Variants in ARHGEF12 observed in about 807,000 individuals in gnomAD.
ARHGEF12 encodes Rho guanine nucleotide exchange factor 12.
ARHGEF12 carries 66 observed loss-of-function variants against 211.2 expected under a neutral mutation model. The observed-to-expected ratio is 0.31, with a 90% CI of 0.26 to 0.38. The LOEUF (loss-of-function observed/expected upper bound fraction) is 0.38, where lower values mean the gene tolerates loss of function less well. ARHGEF12 is among the 10% of genes least tolerant of loss of function. The pLI, the probability that ARHGEF12 is intolerant of heterozygous loss-of-function variation, is 1.00. For missense variants in ARHGEF12, 1,429 were observed against 1,869.5 expected (o/e 0.76, Z 4.34); for synonymous variants, 592 against 638.4 (o/e 0.93, Z 1.09).
intron 27 of ARHGEF12, among the ~76,000 whole-genome samples, chr11:120,461,868 G>A (rs1239116356): frequency 3.3e-5 from 5 of 152,070 alleles, no homozygotes; most frequent in African/African-American, 7.2e-5. Context: ...CAAACTCTTC[G>A]TCTGCAGCTT....
In ARHGEF12 at chr11:120,338,976, A is replaced by G. The variant is rs1942444049; in HGVS notation, c.32+1701A>G. Among the ~76,000 whole-genome samples, 4 of 149,098 alleles carry G rather than the reference A, an allele frequency of 2.7e-5. 1 individual carries two copies. The East Asian group carries it at 7.8e-4, about 29-fold the overall frequency. On this transcript the variant is annotated intron_variant, in intron 1 of 40. Coordinates refer to ENST00000397843, the MANE Select transcript of ARHGEF12 (RefSeq NM_015313.3). ...CATATAAACATTCAATAAATATGAA[A>G]TTACTGAAAGCCTGTTTCTTTTCTT...
chr11:120,381,944 C>A (rs1467009430), intron 1 of ARHGEF12, among the ~76,000 whole-genome samples: 2 of 152,020 alleles, frequency 1.3e-5, no homozygotes, highest in Non-Finnish European at 2.9e-5. Flanking sequence ...ATGAAAAATC[C>A]AAAGATTGTA....
chr11:120,481,361 G>A lies in ARHGEF12; in HGVS notation c.4339G>A (p.Ala1447Thr). The A allele has an allele frequency of 1.2e-6, 2 of 1,614,186 alleles. No individual in the cohort carries two copies. Residue 1447 changes from alanine (A) to threonine (T), a missense_variant, in exon 39 of 41, where the codon GCT becomes ACT. Transcript: ENST00000397843. The stretch of plus-strand genomic sequence containing the variant: ...CCTGCAGCCCATGACAGGCATCCCT[G>A]CTGTGGAATCCACCCACCAGCAGCA... ...LTLQPMTGIP[A>T]VESTHQQQHS...
chr11:120,360,000 T>A (rs1205042775), intron 1 of ARHGEF12, among the ~76,000 whole-genome samples: 4 of 152,206 alleles, frequency 2.6e-5, no homozygotes, highest in Non-Finnish European at 5.9e-5. Flanking sequence ...AAGTCTCTAA[T>A]AACACGTAAT....
At chr11:120,353,590 G>C (rs1204079536) in intron 1 of ARHGEF12, among the ~76,000 whole-genome samples, 1 of 152,104 alleles carries the variant, frequency 6.6e-6, no homozygotes, top group Non-Finnish European at 1.5e-5. Flanking sequence ...AGCCCTCCTC[G>C]ATAGGGATAC....
At chr11:120,382,221 C>T (rs986163812) in intron 1 of ARHGEF12, among the ~76,000 whole-genome samples, 3 of 152,114 alleles carry the variant, frequency 2.0e-5, no homozygotes, top group Non-Finnish European at 4.4e-5. Flanking sequence ...GATTGTAGGT[C>T]GTATGGTAAC....
At chr11:120,386,263 G>A (rs891098407) in intron 1 of ARHGEF12, among the ~76,000 whole-genome samples, 38 of 152,232 alleles carry the variant, frequency 2.5e-4, no homozygotes, top group Middle Eastern at 6.8e-3. Flanking sequence ...GTGAAAAGAA[G>A]TAATATAAAA....
chr11:120,387,624 GC>G (rs1248173922), intron 1 of ARHGEF12, among the ~76,000 whole-genome samples: 1 of 152,106 alleles, frequency 6.6e-6, no homozygotes, highest in Non-Finnish European at 1.5e-5. Context: ...TCTGAAGTTT[GC>G]TGGAATTCCC....
chr11:120,345,718 A>C (rs1942694101), intron 1 of ARHGEF12, among the ~76,000 whole-genome samples: 2 of 151,434 alleles, frequency 1.3e-5, no homozygotes, highest in Admixed American at 1.3e-4. Context: ...AAAAAAAAAA[A>C]AAACGAAATG....
At chr11:120,353,494 A>G (rs907794782) in intron 1 of ARHGEF12, among the ~76,000 whole-genome samples, 2 of 152,036 alleles carry the variant, frequency 1.3e-5, no homozygotes, top group African/African-American at 2.4e-5. Context: ...TCTAAAAGGG[A>G]CCCTCAAGAC....
intron 11 of ARHGEF12, among the ~76,000 whole-genome samples, chr11:120,437,090 A>T (rs1388388310): frequency 2.6e-5 from 4 of 152,164 alleles, no homozygotes; most frequent in African/African-American, 9.7e-5. Context: ...TGTTTTGTTG[A>T]TTCTGTATTG....
intron 22 of ARHGEF12, 126 bp from the exon 23 acceptor site, chr11:120,456,992 T>A (rs1206199945): frequency 1.3e-5 from 10 of 795,888 alleles, no homozygotes; most frequent in Non-Finnish European, 1.9e-5. Context: ...CTAGTGAACC[T>A]GCAGTTGTTT....
intron 25 of ARHGEF12, chr11:120,458,511 A>G (rs1946429460): frequency 3.1e-6 from 1 of 324,600 alleles, no homozygotes; most frequent in Non-Finnish European, 5.6e-6. Flanking sequence ...TGCAACAACT[A>G]AGTTATTTTT....
intron 13 of ARHGEF12, 71 bp downstream of exon 13, chr11:120,440,292 C>T (rs1006900643): frequency 4.0e-6 from 5 of 1,244,650 alleles, no homozygotes; most frequent in Admixed American, 3.6e-5. Flanking sequence ...CAAAAATGAG[C>T]ACGTTCTGGA....
At chr11:120,447,194 C>A in intron 18 of ARHGEF12, 109 bp downstream of exon 18, 1 of 1,250,600 alleles carries the variant, frequency 8.0e-7, no homozygotes, top group Non-Finnish European at 1.1e-6. Context: ...GTATGTGGAG[C>A]CGTTTATTTT....
chr11:120,363,690 C>A (rs1303213549), intron 1 of ARHGEF12, among the ~76,000 whole-genome samples: 1 of 152,174 alleles, frequency 6.6e-6, no homozygotes, highest in Non-Finnish European at 1.5e-5. Context: ...GAACTCACTT[C>A]TTGGCCTTTG....
rs1467963204 is a variant in ARHGEF12 at position 120,483,316 on chromosome 11, A to G, written c.4555-1122A>G. ...TGCTCTGTCACCCAGGCTGGAGTGC[A>G]GTGGCGCTATTTCGGCTCACTGCAA... is the stretch of plus-strand genomic sequence containing the variant. On this transcript the variant is annotated intron_variant, in intron 39 of 40. Transcript: ENST00000397843. Among the ~76,000 whole-genome samples the G allele has an allele frequency of 6.0e-5, 8 of 133,650 alleles. 1 individual carries two copies. In the East Asian group the frequency reaches 1.7e-3, roughly 29 times the overall value. 87.7% of individuals were successfully genotyped at this position (133,650 alleles called of 152,430 possible).
In ARHGEF12 at chr11:120,449,117, G is replaced by A. The variant is rs1946131176; in HGVS notation, c.1746G>A (p.Met582Ile). The change falls in exon 21 of 41, where the codon ATG becomes ATA. Residue 582 changes from methionine to isoleucine, a missense_variant. Physicochemically the swap from Met to Ile is conservative, Grantham distance 10. This residue lies in a region of ARHGEF12 where 373 missense variants were observed against 467.5 expected (regional missense o/e 0.80). Transcript: ENST00000397843. Reference sequence around the variant, plus strand: ...TTGTACTTCAACTCTAGCAAAGTATGAAGAAAGATAAAGAAGGGGAAGAAA... The same window carrying A: ...TTGTACTTCAACTCTAGCAAAGTATAAAGAAAGATAAAGAAGGGGAAGAAA... ...IGFLPKIKQS[M>I]KKDKEGEEKG... is the part of the protein sequence containing the mutation. 6.2e-7 allele frequency: 1 copy of A among 1,613,912 alleles called. No homozygotes were observed. Among genetic ancestry groups the A allele is most frequent in the Non-Finnish European group, 8.5e-7 (1 of 1,179,896 alleles).
chr11:120,383,117 C>A (rs984700148), intron 1 of ARHGEF12, among the ~76,000 whole-genome samples: 1 of 151,726 alleles, frequency 6.6e-6, no homozygotes, highest in East Asian at 1.9e-4. Flanking sequence ...CCAGCCTGGG[C>A]GACAGAGCCA....
Sources: gnomAD v4.1 joint callset for allele counts (sites outside exome capture counted in the v4.1 genomes callset) on GRCh38, gnomAD v4.1.1 for gene constraint, gnomAD v4.1.1 regional missense constraint, MANE v1.5 for transcripts, NCBI Gene and HGNC (gene_info 2026-07-23, HGNC 2026-07-21) for gene names.